Variants in TPO observed in about 807,000 individuals in gnomAD.
TPO encodes thyroid microsomal antigen.
In TPO, 78 loss-of-function variants were observed where a neutral mutation model predicts 96.9. The observed-to-expected ratio is 0.81, with a 90% CI of 0.67 to 0.97. The LOEUF is 0.97. Among genes scored for constraint, TPO ranks in the 50% least tolerant of loss-of-function variants. The pLI, the probability that TPO is intolerant of heterozygous loss-of-function variation, is 0.00. For synonymous variants in TPO, 547 were observed against 538.0 expected (o/e 1.02, Z -0.23); for missense variants, 1,252 against 1,274.8 (o/e 0.98, Z 0.27).
chr2:1,525,818 C>A (rs1309057413), intron 15 of TPO, among the ~76,000 whole-genome samples: 2 of 145,612 alleles, frequency 1.4e-5, no homozygotes, highest in East Asian at 4.2e-4. Flanking sequence ...CCGTGTGCAA[C>A]CTACCCAAAT....
At chr2:1,432,703 GAGGTGAGGCCCCAGGTA>G (rs1436828327) in intron 3 of TPO, among the ~76,000 whole-genome samples, 57 of 88,592 alleles carry the variant, frequency 6.4e-4, no homozygotes, top group South Asian at 3.9e-3. Flanking sequence ...GCCTGCAGGT[GAGGTGAGGCCCCAGGTA>G]AGGAGAGGCC....
intron 5 of TPO, among the ~76,000 whole-genome samples, chr2:1,440,954 G>A (rs746387667): frequency 6.6e-6 from 1 of 151,894 alleles, no homozygotes; most frequent in Non-Finnish European, 1.5e-5. Flanking sequence ...TCTAGTCATT[G>A]CCACAGGAGG....
chr2:1,446,467 C>CTGTG (rs1215391217), intron 5 of TPO, among the ~76,000 whole-genome samples: 1 of 152,178 alleles, frequency 6.6e-6, no homozygotes, highest in Non-Finnish European at 1.5e-5. Flanking sequence ...CAATCCCCGT[C>CTGTG]ACTGTGATCC....
intron 12 of TPO, 123 bp from the exon 13 acceptor site, chr2:1,496,472 G>A (rs1008551236): frequency 7.1e-7 from 1 of 1,400,716 alleles, no homozygotes; most frequent in Non-Finnish European, 9.9e-7. Flanking sequence ...AGTGACCACA[G>A]CAGGGCTCCC....
rs1443465044 is a variant in TPO, at chr2:1,496,761, C to CAAA, written c.2383_2385dup (p.Lys795dup). 6.2e-7 allele frequency: 1 copy of CAAA among 1,614,176 alleles called. No homozygotes were observed. ...GATGGGATTTCCAGCCTCCCCTCTGCAAAGGTCAGTCCTTTCTTCAATGAC... is the reference window on the plus strand; with the variant it reads ...GATGGGATTTCCAGCCTCCCCTCTGCAAAAAAGGTCAGTCCTTTCTTCAATGAC... On this transcript the variant is annotated inframe_insertion, in exon 13 of 17. Transcript: ENST00000329066.
At chr2:1,455,338 T>TCC (rs28910570) in intron 6 of TPO, among the ~76,000 whole-genome samples, 210 of 152,174 alleles carry the variant, frequency 1.4e-3, no homozygotes, top group African/African-American at 4.8e-3. Context: ...TCATATCCAG[T>TCC]CCACATGCCT....
intron 15 of TPO, among the ~76,000 whole-genome samples, chr2:1,522,956 C>T (rs1403689361): frequency 2.7e-5 from 4 of 147,354 alleles, no homozygotes; most frequent in Admixed American, 1.4e-4. Flanking sequence ...TCCCCAAATT[C>T]CCCCCACTGT....
chr2:1,376,276 T>C (rs1212733174), intron 1 of TPO, among the ~76,000 whole-genome samples: 1 of 152,202 alleles, frequency 6.6e-6, no homozygotes, highest in East Asian at 1.9e-4. Flanking sequence ...TTTATTCCTT[T>C]CCAGTGAAAG....
chr2:1,453,691 C>T lies in TPO; in HGVS notation c.483-3C>T, dbSNP rs745749664. 15 of 1,613,986 alleles carry T rather than the reference C, an allele frequency of 9.3e-6. No homozygotes were observed. The highest frequency in any genetic ancestry group is 1.2e-5 in the Non-Finnish European group (14 of 1,180,050). ...AAACACATCCTTGCATTTGTCTCCA[C>T]AGAGACCACCCCAGATGGGGCGCCT... On this transcript the variant is annotated splice_polypyrimidine_tract_variant and splice_region_variant and intron_variant, in intron 5 of 16. Coordinates refer to ENST00000329066, the MANE Select transcript of TPO (RefSeq NM_001206744.2).
chr2:1,496,416 G>A (rs748740052), intron 12 of TPO, among the ~76,000 whole-genome samples, 179 bp from the exon 13 acceptor site: 6 of 152,216 alleles, frequency 3.9e-5, no homozygotes, highest in Admixed American at 2.0e-4. Flanking sequence ...GAGCCCGCGG[G>A]GCCCGATCTG....
At chr2:1,460,213 G>A (rs915630871) in intron 7 of TPO, among the ~76,000 whole-genome samples, 3 of 152,154 alleles carry the variant, frequency 2.0e-5, no homozygotes, top group African/African-American at 4.8e-5. Flanking sequence ...TGGGATTACA[G>A]GTATGAGCCA....
rs79066633 is a variant in TPO at position 1,519,750 on chromosome 2, C to T, written c.2618+2768C>T. On this transcript the variant is annotated intron_variant, in intron 15 of 16. Coordinates refer to ENST00000329066, the MANE Select transcript of TPO (RefSeq NM_001206744.2). ...TGTATAATTGTAACAAAAACTGATACGACTATAATTTCCTATTCATAAACA... is the reference window on the plus strand; with the variant it reads ...TGTATAATTGTAACAAAAACTGATATGACTATAATTTCCTATTCATAAACA... Among the ~76,000 whole-genome samples, 1,520 of 152,222 alleles carry T rather than the reference C, an allele frequency of 1.0e-2. 21 individuals are homozygous for T. Among genetic ancestry groups the T allele is most frequent in the African/African-American group, 0.035 (1,452 of 41,528 alleles).
At chr2:1,386,348 T>A (rs1380275581) in intron 1 of TPO, among the ~76,000 whole-genome samples, 3 of 152,214 alleles carry the variant, frequency 2.0e-5, no homozygotes, top group Non-Finnish European at 4.4e-5. Flanking sequence ...TGTGGGAGTC[T>A]AAGTCTCTTT....
Position 1,540,956 on chromosome 2 carries a change from C to CCAAAACTAAGGGCTCACTTT in TPO, c.2748+236_2748+255dup, listed in dbSNP as rs1558448801. 6.7e-6 allele frequency: 10 copies of CCAAAACTAAGGGCTCACTTT among 1,500,150 alleles called. No homozygotes were observed. The South Asian group carries it at 1.2e-4, about 18-fold the overall frequency. The allele number at this position is 1,500,150 out of a possible 1,614,324, so 92.9% of individuals were successfully genotyped here. Reference sequence around the variant, plus strand: ...TGCCTTCCATTTGTACAAACCGGTTCCAAAACTAAGGGCTCACTTTCAGGC... The same window carrying CCAAAACTAAGGGCTCACTTT: ...TGCCTTCCATTTGTACAAACCGGTTCCAAAACTAAGGGCTCACTTTCAAAACTAAGGGCTCACTTTCAGGC... On this transcript the variant is annotated intron_variant, in intron 16 of 16. Coordinates refer to ENST00000329066, the MANE Select transcript of TPO (RefSeq NM_001206744.2).
chr2:1,435,633 G>A (rs1665491436), intron 4 of TPO, among the ~76,000 whole-genome samples: 1 of 151,978 alleles, frequency 6.6e-6, no homozygotes, highest in Non-Finnish European at 1.5e-5. Context: ...ACCTTGATTT[G>A]TTGAATAACA....
chr2:1,421,969 A>G (rs1170505223), intron 2 of TPO, among the ~76,000 whole-genome samples: 2 of 152,142 alleles, frequency 1.3e-5, no homozygotes, highest in Non-Finnish European at 2.9e-5. Context: ...GCGAGCTGTG[A>G]GCCCGTGCTA....
chr2:1,391,374 A>G (rs1661998157), intron 1 of TPO, among the ~76,000 whole-genome samples: 1 of 152,074 alleles, frequency 6.6e-6, no homozygotes. Context: ...ATTGGTCTAT[A>G]TGTCTGTTTT....
chr2:1,461,289 G>A (rs1255123206), intron 7 of TPO, among the ~76,000 whole-genome samples: 1 of 152,192 alleles, frequency 6.6e-6, no homozygotes, highest in Non-Finnish European at 1.5e-5. Flanking sequence ...TCAGTTATGT[G>A]GATGGCTGCG....
chr2:1,386,755 T>A (rs1021260162), intron 1 of TPO, among the ~76,000 whole-genome samples: 60 of 152,328 alleles, frequency 3.9e-4, no homozygotes, highest in Middle Eastern at 3.4e-3. Flanking sequence ...CCTGTCATTA[T>A]GATGTTAGCT....
Sources: gnomAD v4.1 joint callset for allele counts (sites outside exome capture counted in the v4.1 genomes callset) on GRCh38, gnomAD v4.1.1 for gene constraint, MANE v1.5 for transcripts, NCBI Gene and HGNC (gene_info 2026-07-23, HGNC 2026-07-21) for gene names.